Variants in MYLK observed in about 807,000 individuals in gnomAD.
MYLK encodes myosin light chain kinase, smooth muscle.
MYLK carries 106 observed loss-of-function variants against 203.4 expected under a neutral mutation model. The observed-to-expected ratio is 0.52, with a 90% confidence interval of 0.45 to 0.61. The LOEUF is 0.61. Ranked by LOEUF, MYLK falls within the 20% of genes least tolerant of loss-of-function variation. MYLK has a pLI of 0.00. For missense variants in MYLK, 2,072 were observed against 2,442.3 expected (o/e 0.85, Z 3.20); for synonymous variants, 867 against 959.5 (o/e 0.90, Z 1.78).
At chr3:123,699,509 T>C (rs2061087971) in intron 18 of MYLK, among the ~76,000 whole-genome samples, 1 of 152,226 alleles carries the variant, frequency 6.6e-6, no homozygotes, top group African/African-American at 2.4e-5. Flanking sequence ...GAAGTTATTG[T>C]TGACCCCAAC....
intron 13 of MYLK, among the ~76,000 whole-genome samples, chr3:123,721,211 G>A (rs1280627214): frequency 6.6e-6 from 1 of 152,204 alleles, no homozygotes; most frequent in Admixed American, 6.5e-5. Context: ...CATACAACAC[G>A]GAGATGTTCC....
chr3:123,735,649 G>A (rs984939557), intron 8 of MYLK: 18 of 527,582 alleles, frequency 3.4e-5, no homozygotes, highest in Middle Eastern at 1.0e-3. Context: ...CATACCCTGA[G>A]GGCATGGAAT....
At chr3:123,662,713 G>A (rs1560035800) in intron 23 of MYLK, among the ~76,000 whole-genome samples, 1 of 152,186 alleles carries the variant, frequency 6.6e-6, no homozygotes, top group African/African-American at 2.4e-5. Context: ...GTGTGCCCAC[G>A]TGTGTGTGCA....
intron 20 of MYLK, among the ~76,000 whole-genome samples, chr3:123,670,057 G>C (rs1245743988): frequency 1.8e-5 from 2 of 113,610 alleles, no homozygotes; most frequent in Admixed American, 8.9e-5. Context: ...AAAAAAAAAA[G>C]CAAACATAGT....
At chr3:123,745,939 C>A (rs944985336) in intron 5 of MYLK, among the ~76,000 whole-genome samples, 2 of 152,040 alleles carry the variant, frequency 1.3e-5, no homozygotes, top group African/African-American at 4.8e-5. Flanking sequence ...CTCACTGCAA[C>A]CTCCTCATGT....
intron 11 of MYLK, among the ~76,000 whole-genome samples, chr3:123,731,657 A>G (rs1467910304): frequency 6.6e-6 from 1 of 152,154 alleles, no homozygotes; most frequent in African/African-American, 2.4e-5. Context: ...CATTTATATC[A>G]ATATTATTTC....
At chr3:123,757,363 G>T (rs982202704) in intron 4 of MYLK, among the ~76,000 whole-genome samples, 5 of 152,168 alleles carry the variant, frequency 3.3e-5, no homozygotes, top group African/African-American at 1.2e-4. Flanking sequence ...TGATTGTGCT[G>T]ATTCTGCAGA....
chr3:123,859,138 T>C (rs1053628102), intron 2 of MYLK, among the ~76,000 whole-genome samples: 4 of 152,112 alleles, frequency 2.6e-5, no homozygotes, highest in Admixed American at 1.3e-4. Context: ...CAGGGAAAAA[T>C]TATAAAAACT....
chr3:123,748,296 C>T (rs1406130247), intron 5 of MYLK, among the ~76,000 whole-genome samples: 1 of 152,232 alleles, frequency 6.6e-6, no homozygotes, highest in Non-Finnish European at 1.5e-5. Flanking sequence ...CATGAGGGAT[C>T]CATCCCCATG....
At chr3:123,774,927 G>A (rs943116346) in intron 4 of MYLK, among the ~76,000 whole-genome samples, 3 of 152,172 alleles carry the variant, frequency 2.0e-5, no homozygotes, top group Non-Finnish European at 4.4e-5. Context: ...CCGTTACTGT[G>A]CTAGACACTG....
chr3:123,659,379 GTT>G, intron 23 of MYLK, among the ~76,000 whole-genome samples: 1 of 152,184 alleles, frequency 6.6e-6, no homozygotes, highest in Non-Finnish European at 1.5e-5. Context: ...ACCCTACCCT[GTT>G]ACACATGTCT....
chr3:123,700,148 A>C lies in MYLK; in HGVS notation c.3320T>G (p.Val1107Gly). The change falls in exon 18 of 34, where the codon GTT becomes GGT. Residue 1107 changes from valine to glycine, a missense_variant. Around this residue, in one of 3 missense-constraint regions of MYLK, gnomAD observed 865 missense variants for 1,016.0 expected, o/e 0.85. Transcript: ENST00000360304. Reference sequence around the variant, plus strand: ...CAGCTTCTTGCCCTCTGCCACATGAACATCTTGCAGCTTCTGCTTGAAGGC... The same window carrying C: ...CAGCTTCTTGCCCTCTGCCACATGACCATCTTGCAGCTTCTGCTTGAAGGC... Reference protein sequence around the residue: ...APAFKQKLQDVHVAEGKKLLL... With the variant: ...APAFKQKLQDGHVAEGKKLLL... The C allele has an allele frequency of 6.2e-7, 1 of 1,613,870 alleles. No individual in the cohort carries two copies. The highest frequency in any genetic ancestry group is 1.1e-5 in the South Asian group (1 of 91,062).
intron 14 of MYLK, chr3:123,709,357 G>A (rs1001413286): frequency 3.6e-6 from 1 of 278,262 alleles, no homozygotes; most frequent in South Asian, 4.0e-5. Flanking sequence ...TAGCCAGGAT[G>A]GTCTCGATCT....
intron 3 of MYLK, among the ~76,000 whole-genome samples, chr3:123,794,777 A>G (rs1235641866): frequency 6.6e-6 from 1 of 152,246 alleles, no homozygotes; most frequent in Non-Finnish European, 1.5e-5. Flanking sequence ...ACATTTCATC[A>G]TAAAACTTGA....
At chr3:123,647,168 G>T (rs997039890) in intron 27 of MYLK, 56 bp downstream of exon 27, 19 of 1,538,434 alleles carry the variant, frequency 1.2e-5, no homozygotes, top group Non-Finnish European at 1.7e-5. Context: ...GGCAGTAGGG[G>T]AGACACGTTT....
Position 123,640,282 on chromosome 3 carries a change from C to T in MYLK, c.4837+5G>A. 6.2e-7 allele frequency: 1 copy of T among 1,613,908 alleles called. No individual in the cohort carries two copies. Among genetic ancestry groups the T allele is most frequent in the East Asian group, 2.2e-5 (1 of 44,838 alleles). The stretch of plus-strand genomic sequence containing the variant: ...GTGTCCATGGGAGAGGCAGATGAGC[C>T]TTACCCAGCCTCCTGGCCAGACCAA... On this transcript the variant is annotated splice_donor_5th_base_variant and intron_variant, in intron 28 of 33. Coordinates refer to ENST00000360304, the MANE Select transcript of MYLK (RefSeq NM_053025.4). The surrounding 1 kb of genome is among the most constrained non-coding windows in gnomAD (Gnocchi z 4.3).
chr3:123,709,209 C>G (rs554710501), intron 14 of MYLK: 2 of 216,406 alleles, frequency 9.2e-6, no homozygotes, highest in Admixed American at 5.5e-5. Context: ...GGTGCGATCT[C>G]GGCTCACTGC....
chr3:123,738,691 T>C (rs2062760981), intron 7 of MYLK, among the ~76,000 whole-genome samples: 1 of 152,226 alleles, frequency 6.6e-6, no homozygotes, highest in Non-Finnish European at 1.5e-5. Context: ...CCCCTGCACA[T>C]GCTCTCTTGC....
chr3:123,812,909 G>A (rs1326390490), intron 3 of MYLK, among the ~76,000 whole-genome samples: 4 of 152,192 alleles, frequency 2.6e-5, no homozygotes. Context: ...GTGGGCACAG[G>A]GAAGGGGGCC....
Sources: allele counts gnomAD v4.1 joint callset (sites outside exome capture counted in the v4.1 genomes callset), GRCh38; gene constraint gnomAD v4.1.1; regional missense constraint gnomAD v4.1.1; non-coding constraint Gnocchi (gnomAD v3.1); transcripts MANE v1.5; gene names NCBI Gene and HGNC (gene_info 2026-07-23, HGNC 2026-07-21).